ST7: variants seen among roughly 807,000 people sequenced by gnomAD.
ST7 encodes suppressor of tumorigenicity 7 protein.
Under a neutral mutation model 78.7 loss-of-function variants are expected in ST7, and 28 were observed. That is an observed-to-expected ratio of 0.36 (90% CI 0.26 to 0.49). ST7 has a LOEUF of 0.49. ST7 is among the 20% of genes least tolerant of loss of function. The pLI is 0.99. For missense variants in ST7, 418 were observed against 696.0 expected, an observed-to-expected ratio of 0.60 and a Z score of 4.49; for synonymous variants, 247 against 249.6, an observed-to-expected ratio of 0.99 and a Z score of 0.10.
chr7:117,153,597 T>C (rs1806458060), intron 9 of ST7, among the ~76,000 whole-genome samples: 1 of 152,182 alleles, frequency 6.6e-6, no homozygotes, highest in African/African-American at 2.4e-5. Flanking sequence ...TGGTCAACAG[T>C]ATTAAATGCT....
At chr7:116,997,291 C>T (rs1034999013) in intron 1 of ST7, among the ~76,000 whole-genome samples, 4 of 152,292 alleles carry the variant, frequency 2.6e-5, no homozygotes, top group Non-Finnish European at 5.9e-5. Context: ...CCACTGCTGG[C>T]TCGGGCAGCC....
chr7:117,163,612 A>T (rs1321578448), intron 9 of ST7, among the ~76,000 whole-genome samples: 1 of 152,106 alleles, frequency 6.6e-6, no homozygotes. Flanking sequence ...GTATCTGTTC[A>T]GATAATTTGA....
chr7:117,130,614 A>G lies in ST7; in HGVS notation c.565+8A>G. 6.2e-7 allele frequency: 1 copy of G among 1,601,690 alleles called. No individual in the cohort carries two copies. The highest frequency in any genetic ancestry group is 8.5e-7 in the Non-Finnish European group (1 of 1,171,438). ...TGCGTCCCGCAGATGCAAGTATGAA[A>G]AATCCATACATCCTTCTGAATGGGA... is the stretch of plus-strand genomic sequence containing the variant. On this transcript the variant is annotated splice_region_variant and intron_variant, in intron 5 of 15. Transcript: ENST00000323984.
chr7:117,217,490 T>C (rs534998226), intron 13 of ST7, among the ~76,000 whole-genome samples: 1 of 152,314 alleles, frequency 6.6e-6, no homozygotes, highest in African/African-American at 2.4e-5. Flanking sequence ...TGTTTGTTTT[T>C]GTGGGGGGTG....
At chr7:117,067,152 AT>A (rs1584556081) in intron 1 of ST7, among the ~76,000 whole-genome samples, 1 of 151,788 alleles carries the variant, frequency 6.6e-6, no homozygotes, top group East Asian at 1.9e-4. Context: ...CTTGGTGAAC[AT>A]TTGGGTTGTT....
Position 117,190,966 on chromosome 7 carries a change from G to A in ST7, c.1254+30G>A, listed in dbSNP as rs761261575. ...GTCTGTGGAATCCCCACAGGAACTC[G>A]TTATGATAGCAGAGAAAGCATTCAT... On this transcript the variant is annotated intron_variant, in intron 12 of 15. Coordinates refer to ENST00000323984, the MANE Select transcript of ST7 (RefSeq NM_001369598.1). This position sits in a 1 kb window ranked among gnomAD's most constrained non-coding sequence, Gnocchi z 5.2. 34 of 1,542,716 alleles carry A rather than the reference G, an allele frequency of 2.2e-5. No individual in the cohort carries two copies. The highest frequency in any genetic ancestry group is 2.4e-5 in the Non-Finnish European group (27 of 1,115,110).
intron 1 of ST7, among the ~76,000 whole-genome samples, chr7:117,031,204 G>A (rs1207857427): frequency 1.3e-5 from 2 of 151,782 alleles, no homozygotes; most frequent in East Asian, 1.9e-4. Context: ...AGGGTGGGAG[G>A]AGGGAGAGGT....
At chr7:117,036,165 T>C (rs2116237164) in intron 1 of ST7, among the ~76,000 whole-genome samples, 1 of 152,350 alleles carries the variant, frequency 6.6e-6, no homozygotes, top group South Asian at 2.1e-4. Context: ...TTACTCCGCA[T>C]ATTAAGTTTT....
intron 2 of ST7, among the ~76,000 whole-genome samples, chr7:117,104,867 T>C (rs1801834438): frequency 6.6e-6 from 1 of 152,168 alleles, no homozygotes; most frequent in South Asian, 2.1e-4. Flanking sequence ...AAATGTATTA[T>C]TAACGTGCAC....
chr7:117,169,670 C>G (rs1410194176), intron 9 of ST7, among the ~76,000 whole-genome samples: 1 of 152,142 alleles, frequency 6.6e-6, no homozygotes, highest in African/African-American at 2.4e-5. Flanking sequence ...CCAGGCTCAA[C>G]CTAATCATTT....
intron 10 of ST7, among the ~76,000 whole-genome samples, chr7:117,177,408 T>C (rs12113792): frequency 0.038 from 5,838 of 152,292 alleles, 390 homozygotes; most frequent in African/African-American, 0.13. Flanking sequence ...GTAATCCTTA[T>C]TGCCCAGTTA....
At chr7:117,223,247 C>T (rs561837442) in intron 15 of ST7, 6 of 455,648 alleles carry the variant, frequency 1.3e-5, no homozygotes, top group Non-Finnish European at 2.4e-5. Flanking sequence ...TTGTTTCTTG[C>T]CTGAACTCCT....
chr7:117,185,024 A>G (rs927621414), intron 10 of ST7, among the ~76,000 whole-genome samples: 4 of 152,194 alleles, frequency 2.6e-5, no homozygotes, highest in Non-Finnish European at 5.9e-5. Context: ...GGAATGAAAG[A>G]GGAGGTGCTC....
At chr7:117,211,245 G>A (rs550545812) in intron 13 of ST7, among the ~76,000 whole-genome samples, 68 of 152,184 alleles carry the variant, frequency 4.5e-4, no homozygotes, top group Non-Finnish European at 1.3e-4. Flanking sequence ...TTTTATCAGT[G>A]CCTCCGCCCC....
intron 1 of ST7, among the ~76,000 whole-genome samples, chr7:117,013,073 G>T (rs1288359047): frequency 6.6e-6 from 1 of 152,138 alleles, no homozygotes; most frequent in Non-Finnish European, 1.5e-5. Flanking sequence ...ATGCTACTCA[G>T]ATAATTAGAT....
At position 117,092,898 on chromosome 7, in the gene ST7, C is replaced by A. The variant is rs372326974; in HGVS notation, c.152-6864C>A. 1.1e-4 allele frequency among the ~76,000 whole-genome samples: 17 copies of A among 152,276 alleles called. No homozygotes were observed. The East Asian group carries it at 3.1e-3, about 28-fold the overall frequency. On this transcript the variant is annotated intron_variant, in intron 1 of 15. Coordinates refer to ENST00000323984, the MANE Select transcript of ST7 (RefSeq NM_001369598.1). ...TGTGGCCTTGAATATTCATCCCTTG[C>A]AATGAAAACATTGCTAACCAGCATG...
chr7:117,192,866 G>T (rs79048628), intron 12 of ST7, among the ~76,000 whole-genome samples: 1,778 of 152,238 alleles, frequency 0.012, 43 homozygotes, highest in African/African-American at 0.041. Context: ...CTGCAAAATA[G>T]AATTATCCTA....
At chr7:117,060,842 C>T (rs1438081297) in intron 1 of ST7, among the ~76,000 whole-genome samples, 1 of 152,048 alleles carries the variant, frequency 6.6e-6, no homozygotes, top group African/African-American at 2.4e-5. Context: ...TTGGTCTCTA[C>T]TAAAAATACA....
Position 117,229,901 on chromosome 7 carries a change from TCTC to T in ST7, c.*48_*50del. The T allele has an allele frequency of 1.3e-6, 2 of 1,518,062 alleles. No individual in the cohort carries two copies. Among genetic ancestry groups the T allele is most frequent in the South Asian group, 2.2e-5 (2 of 89,156 alleles). 94.0% of individuals were successfully genotyped at this position (1,518,062 alleles called of 1,614,324 possible). A position where few individuals can be genotyped will look rare whatever the true frequency, so the allele number is the denominator to read the frequency against. Reference sequence around the variant, plus strand: ...CTCACCTCACCCGCCGCTGCCACCATCTCCTCTGTGCCAACTCCTTGTGGACCG... The same window carrying T: ...CTCACCTCACCCGCCGCTGCCACCATCTCTGTGCCAACTCCTTGTGGACCG... On this transcript the variant is annotated 3_prime_UTR_variant, in exon 16 of 16. Coordinates refer to ENST00000323984, the MANE Select transcript of ST7 (RefSeq NM_001369598.1).
Sources: gnomAD v4.1 joint callset for allele counts (sites outside exome capture counted in the v4.1 genomes callset) on GRCh38, gnomAD v4.1.1 for gene constraint, Gnocchi (gnomAD v3.1) non-coding constraint, MANE v1.5 for transcripts, NCBI Gene and HGNC (gene_info 2026-07-23, HGNC 2026-07-21) for gene names.